The following ADAMTSL3 variants were observed in gnomAD, a reference collection of about 807,000 sequenced individuals.
ADAMTSL3 encodes ADAMTS like 3.
Under a neutral mutation model 201.7 loss-of-function variants are expected in ADAMTSL3, and 128 were observed. The observed-to-expected ratio is 0.63, with a 90% confidence interval of 0.55 to 0.73. The LOEUF is 0.73. Among genes scored for constraint, ADAMTSL3 ranks in the 30% least tolerant of loss-of-function variants. The pLI, the probability that ADAMTSL3 is intolerant of heterozygous loss-of-function variation, is 0.00. For missense variants in ADAMTSL3, 1,990 were observed against 2,119.6 expected (o/e 0.94, Z 1.20); for synonymous variants, 738 against 748.4 (o/e 0.99, Z 0.23).
chr15:83,686,717 G>A (rs2061541330), intron 2 of ADAMTSL3, among the ~76,000 whole-genome samples: 1 of 152,156 alleles, frequency 6.6e-6, no homozygotes, highest in African/African-American at 2.4e-5. Flanking sequence ...ACCAAAGACT[G>A]CATCTTGGTG....
At chr15:83,951,851 TA>T (rs758075236) in intron 19 of ADAMTSL3, among the ~76,000 whole-genome samples, 1 of 152,206 alleles carries the variant, frequency 6.6e-6, no homozygotes, top group Non-Finnish European at 1.5e-5. Context: ...GTATCAGTTC[TA>T]ATGTCTTCTT....
At chr15:83,796,515 A>G (rs974978408) in intron 4 of ADAMTSL3, among the ~76,000 whole-genome samples, 3 of 152,248 alleles carry the variant, frequency 2.0e-5, no homozygotes, top group Admixed American at 6.5e-5. Flanking sequence ...AAGGAGAGCT[A>G]TAATATGTTC....
At chr15:83,736,791 C>T (rs976853731) in intron 3 of ADAMTSL3, among the ~76,000 whole-genome samples, 1 of 152,300 alleles carries the variant, frequency 6.6e-6, no homozygotes, top group East Asian at 1.9e-4. Context: ...GGGAAGCCCC[C>T]AATCTAGAAG....
intron 13 of ADAMTSL3, among the ~76,000 whole-genome samples, chr15:83,896,641 T>C (rs2065621205): frequency 6.6e-6 from 1 of 152,146 alleles, no homozygotes; most frequent in South Asian, 2.1e-4. Flanking sequence ...TGGCGCTGTC[T>C]GTACTGTCTG....
At chr15:84,028,516 A>T (rs2068349954) in intron 27 of ADAMTSL3, among the ~76,000 whole-genome samples, 1 of 152,224 alleles carries the variant, frequency 6.6e-6, no homozygotes, top group Non-Finnish European at 1.5e-5. Context: ...TCAAAATTTT[A>T]AAATTTTTTT....
chr15:83,676,883 C>T (rs745816489), intron 2 of ADAMTSL3, among the ~76,000 whole-genome samples: 4 of 152,228 alleles, frequency 2.6e-5, no homozygotes, highest in Non-Finnish European at 4.4e-5. Flanking sequence ...TCACCAGATA[C>T]TGGACTTGCT....
chr15:83,842,189 T>C (rs935871941), intron 7 of ADAMTSL3, among the ~76,000 whole-genome samples: 5 of 150,816 alleles, frequency 3.3e-5, no homozygotes, highest in Non-Finnish European at 5.9e-5. Context: ...AAAGGTTTAT[T>C]GAATGGTGGA....
At position 83,655,829 on chromosome 15, in the gene ADAMTSL3, A is replaced by T. The variant is rs757391316; in HGVS notation, c.68A>T (p.Gln23Leu). ...GMVFMHSPLP[Q>L]TTAEKSPGAY... ...GTCTTCATGCACTCTCCCCTCCCGCAGGTAAGGTCATATAGGGAGGGGAAG... is the reference window on the plus strand; with the variant it reads ...GTCTTCATGCACTCTCCCCTCCCGCTGGTAAGGTCATATAGGGAGGGGAAG... The change falls in exon 2 of 30, where the codon CAG (glutamine) becomes CTG (leucine). Residue 23 changes from glutamine (Q) to leucine (L), a missense_variant and splice_region_variant. Coordinates refer to ENST00000286744, the MANE Select transcript of ADAMTSL3 (RefSeq NM_207517.3). The T allele has an allele frequency of 6.8e-6, 11 of 1,613,674 alleles. No individual in the cohort carries two copies. The highest frequency in any genetic ancestry group is 9.3e-6 in the Non-Finnish European group (11 of 1,179,872).
chr15:83,967,644 G>A (rs2067114349), intron 19 of ADAMTSL3, among the ~76,000 whole-genome samples: 1 of 152,160 alleles, frequency 6.6e-6, no homozygotes, highest in Non-Finnish European at 1.5e-5. Context: ...TCTCCATCAA[G>A]CTACCTTTGA....
intron 17 of ADAMTSL3, among the ~76,000 whole-genome samples, chr15:83,937,376 G>C (rs1263884435): frequency 2.0e-5 from 3 of 150,962 alleles, no homozygotes; most frequent in African/African-American, 7.4e-5. Flanking sequence ...AATGGAACTA[G>C]AGATCATTAC....
chr15:83,773,671 C>T, intron 4 of ADAMTSL3, 21 bp downstream of exon 4: 1 of 1,601,040 alleles, frequency 6.2e-7, no homozygotes. Flanking sequence ...GCTTCACTTG[C>T]TCCTGCATGT....
At chr15:83,777,857 A>G (rs913390073) in intron 4 of ADAMTSL3, among the ~76,000 whole-genome samples, 1 of 152,212 alleles carries the variant, frequency 6.6e-6, no homozygotes, top group Non-Finnish European at 1.5e-5. Flanking sequence ...ACCCAGTCCA[A>G]GGAAGCTAAA....
At chr15:83,821,596 A>G (rs2063866997) in intron 6 of ADAMTSL3, among the ~76,000 whole-genome samples, 1 of 150,976 alleles carries the variant, frequency 6.6e-6, no homozygotes, top group South Asian at 2.1e-4. Flanking sequence ...AGGCAGAAGA[A>G]TTTTTCTTAG....
chr15:83,903,447 C>T (rs964831221), intron 15 of ADAMTSL3, among the ~76,000 whole-genome samples: 1 of 152,084 alleles, frequency 6.6e-6, no homozygotes, highest in Non-Finnish European at 1.5e-5. Context: ...TCCCACTAGA[C>T]TCTAGTAACC....
At chr15:84,028,742 C>G (rs768065373) in intron 27 of ADAMTSL3, among the ~76,000 whole-genome samples, 1 of 152,144 alleles carries the variant, frequency 6.6e-6, no homozygotes, top group Non-Finnish European at 1.5e-5. Context: ...GTGTCCCCAC[C>G]CAGATCTCAT....
At chr15:83,853,118 G>A (rs1472032565) in intron 7 of ADAMTSL3, among the ~76,000 whole-genome samples, 1 of 152,152 alleles carries the variant, frequency 6.6e-6, no homozygotes, top group Non-Finnish European at 1.5e-5. Context: ...GCTTCCCAAA[G>A]TGCTAGGATT....
At chr15:83,734,447 C>T (rs935209014) in intron 3 of ADAMTSL3, among the ~76,000 whole-genome samples, 6 of 152,120 alleles carry the variant, frequency 3.9e-5, no homozygotes, top group Admixed American at 6.5e-5. Flanking sequence ...TTGCTATTGG[C>T]GTTACCAGGA....
chr15:83,992,637 T>C (rs1475360688), intron 23 of ADAMTSL3, among the ~76,000 whole-genome samples: 1 of 152,224 alleles, frequency 6.6e-6, no homozygotes, highest in East Asian at 1.9e-4. Flanking sequence ...AATTTTTCAC[T>C]TCCACAATAC....
At chr15:83,849,761 G>A (rs559188638) in intron 7 of ADAMTSL3, among the ~76,000 whole-genome samples, 8 of 152,292 alleles carry the variant, frequency 5.3e-5, no homozygotes, top group Non-Finnish European at 8.8e-5. Flanking sequence ...CTTTGTATCA[G>A]TGCAAGTAGA....
Sources: allele counts gnomAD v4.1 joint callset (sites outside exome capture counted in the v4.1 genomes callset), GRCh38; gene constraint gnomAD v4.1.1; transcripts MANE v1.5; gene names NCBI Gene and HGNC (gene_info 2026-07-23, HGNC 2026-07-21).